The following WDR55 variants were observed in gnomAD, a reference collection of about 807,000 sequenced individuals.
WDR55 encodes the protein WD repeat domain 55, also known as WD repeat-containing protein 55.
In WDR55, 31 loss-of-function variants were observed where a neutral mutation model predicts 34.0. The observed-to-expected ratio is 0.91, with a 90% confidence interval of 0.69 to 1.23. The LOEUF (loss-of-function observed/expected upper bound fraction) is 1.23, where lower values mean the gene tolerates loss of function less well. Among genes scored for constraint, WDR55 ranks in the 50% most tolerant of loss-of-function variants. The pLI is 0.00. For synonymous variants in WDR55, 164 were observed against 185.9 expected (o/e 0.88, Z 0.96); for missense variants, 440 against 494.6 (o/e 0.89, Z 1.05).
In WDR55 at chr5:140,668,819, C is replaced by T. The variant is rs79816821; in HGVS notation, c.560+28C>T. The T allele has an allele frequency of 1.5e-3, 2,365 of 1,613,270 alleles. 24 individuals carry two copies. The African/African-American group carries it at 0.027, about 18-fold the overall frequency. On this transcript the variant is annotated intron_variant, in intron 4 of 6. Coordinates refer to ENST00000358337, the MANE Select transcript of WDR55 (RefSeq NM_017706.5). Reference sequence around the variant, plus strand: ...ACAACTTCAAAGCTGCCTTGCCTCCCCTCCCCTCCCTGTGTGAAATGTCTT... The same window carrying T: ...ACAACTTCAAAGCTGCCTTGCCTCCTCTCCCCTCCCTGTGTGAAATGTCTT...
At chr5:140,666,409 C>G (rs58669846) in intron 1 of WDR55, among the ~76,000 whole-genome samples, 29,344 of 152,040 alleles carry the variant, frequency 0.19, 3,342 homozygotes, top group East Asian at 0.3. Context: ...AAAAAAATCT[C>G]GAAACCTCAG....
In WDR55 at chr5:140,669,613, G is replaced by A. The variant is rs1449628926; in HGVS notation, c.1111G>A (p.Ala371Thr). ...GAGGGAAGAGGGAGAAGACTCCATG[G>A]CTCAGGAAGAAAAGGAGGAGACTGG... is the stretch of plus-strand genomic sequence containing the variant. ...GLREEGEDSM[A>T]QEEKEETGDD... Residue 371 changes from alanine (A) to threonine (T), a missense_variant, in exon 7 of 7, where the codon GCT becomes ACT. Physicochemically the swap from Ala to Thr is moderately conservative, Grantham distance 58. Coordinates refer to ENST00000358337, the MANE Select transcript of WDR55 (RefSeq NM_017706.5). 5 of 1,614,080 alleles carry A rather than the reference G, an allele frequency of 3.1e-6. No individual in the cohort carries two copies. The highest frequency in any genetic ancestry group is 1.1e-5 in the South Asian group (1 of 91,058).
In WDR55 at chr5:140,670,273, T is replaced by A. The variant is rs763553773; in HGVS notation, c.*619T>A. Reference sequence around the variant, plus strand: ...TGGTCTTGGAACTCCTGGGCTCAAGTGATCCTCCTGCCTTGGCCTCCCAAA... The same window carrying A: ...TGGTCTTGGAACTCCTGGGCTCAAGAGATCCTCCTGCCTTGGCCTCCCAAA... On this transcript the variant is annotated 3_prime_UTR_variant, in exon 7 of 7. Transcript: ENST00000358337. The A allele has an allele frequency of 1.3e-5, 2 of 152,200 alleles. No individual in the cohort carries two copies. Among genetic ancestry groups the A allele is most frequent in the Non-Finnish European group, 2.9e-5 (2 of 68,228 alleles). 9.4% of individuals were successfully genotyped at this position (152,200 alleles called of 1,614,324 possible).
In WDR55 at chr5:140,669,587, T is replaced by C. The variant is rs1406962007; in HGVS notation, c.1085T>C (p.Leu362Pro). The C allele has an allele frequency of 6.2e-6, 10 of 1,613,950 alleles. No individual in the cohort carries two copies. The highest frequency in any genetic ancestry group is 8.5e-6 in the Non-Finnish European group (10 of 1,179,994). Residue 362 changes from leucine to proline, a missense_variant, in exon 7 of 7, where the codon CTG (leucine) becomes CCG (proline). Transcript: ENST00000358337. ...TWSTDDFFAG[L>P]REEGEDSMAQ... The stretch of plus-strand genomic sequence containing the variant: ...AGCACCGATGACTTCTTCGCAGGAC[T>C]GAGGGAAGAGGGAGAAGACTCCATG...
chr5:140,666,027 T>C (rs1314447922), intron 1 of WDR55, among the ~76,000 whole-genome samples: 1 of 151,872 alleles, frequency 6.6e-6, no homozygotes, highest in East Asian at 2.0e-4. Flanking sequence ...TGGTCTGCTT[T>C]TAGGATTTAG....
At position 140,669,067 on chromosome 5, in the gene WDR55, A is replaced by G. The variant is rs763293521; in HGVS notation, c.661-12A>G. On this transcript the variant is annotated splice_polypyrimidine_tract_variant and intron_variant, in intron 5 of 6. Coordinates refer to ENST00000358337, the MANE Select transcript of WDR55 (RefSeq NM_017706.5). ...AGGCAGCTTCCACATTGTTTTCTCT[A>G]TTTCCCTGCAGTGGGGGAAGAAGGT... 43 of 1,613,806 alleles carry G rather than the reference A, an allele frequency of 2.7e-5. No homozygotes were observed. The highest frequency in any genetic ancestry group is 3.4e-5 in the Non-Finnish European group (40 of 1,179,980).
chr5:140,665,653 G>A (rs1017045714), intron 1 of WDR55, among the ~76,000 whole-genome samples: 1 of 151,954 alleles, frequency 6.6e-6, no homozygotes, highest in Non-Finnish European at 1.5e-5. Flanking sequence ...CACCGTGCCC[G>A]GACTCCTACC....
intron 1 of WDR55, 95 bp from the exon 2 acceptor site, chr5:140,668,139 G>C: frequency 7.2e-7 from 1 of 1,392,914 alleles, no homozygotes. Context: ...GGAACTCTTA[G>C]GTAGGTGGGA....
intron 4 of WDR55, 24 bp from the exon 5 acceptor site, chr5:140,668,863 TCTAA>T: frequency 6.2e-7 from 1 of 1,614,178 alleles, no homozygotes; most frequent in Admixed American, 1.7e-5. Context: ...AGACCTTGCG[TCTAA>T]GCCTACTGCT....
At position 140,672,266 on chromosome 5, in the gene WDR55, T is replaced by G; in HGVS notation, c.*2612T>G. On this transcript the variant is annotated 3_prime_UTR_variant, in exon 7 of 7. Coordinates refer to ENST00000358337, the MANE Select transcript of WDR55 (RefSeq NM_017706.5). ...GGTAATGCTCGGGAAGTGTCACAAA[T>G]TTAGGTAAGCGGTGGTGGTAGCACC... 2 of 680,572 alleles carry G rather than the reference T, an allele frequency of 2.9e-6. No homozygotes were observed. Among genetic ancestry groups the G allele is most frequent in the African/African-American group, 1.8e-5 (1 of 55,184 alleles). The allele number at this position is 680,572 out of a possible 1,614,324, so 42.2% of individuals were successfully genotyped here.
In WDR55 at chr5:140,671,852, C is replaced by T; in HGVS notation, c.*2198C>T. 2.3e-6 allele frequency: 3 copies of T among 1,299,388 alleles called. No homozygotes were observed. The highest frequency in any genetic ancestry group is 2.6e-5 in the South Asian group (2 of 78,402). The allele number at this position is 1,299,388 out of a possible 1,614,324, so 80.5% of individuals were successfully genotyped here. ...ACACAGTCCTGTTATTTGTAGCCTT[C>T]CCATTTCCTGGTAGTGTGACCATGG... On this transcript the variant is annotated 3_prime_UTR_variant, in exon 7 of 7. Coordinates refer to ENST00000358337, the MANE Select transcript of WDR55 (RefSeq NM_017706.5).
chr5:140,668,486 G>A lies in WDR55; in HGVS notation c.364G>A (p.Val122Ile). 6.2e-7 allele frequency: 1 copy of A among 1,614,196 alleles called. No individual in the cohort carries two copies. Among genetic ancestry groups the A allele is most frequent in the Non-Finnish European group, 8.5e-7 (1 of 1,180,036 alleles). The change falls in exon 3 of 7, where the codon GTT becomes ATT. Residue 122 changes from valine to isoleucine, a missense_variant. Coordinates refer to ENST00000358337, the MANE Select transcript of WDR55 (RefSeq NM_017706.5). ...DVEQGQLERR[V>I]SKAHGAPINS... ...GGAGCAGGGCCAACTGGAAAGACGT[G>A]TTTCCAAGGCTCATGGGTAAGGAGA...
Position 140,669,903 on chromosome 5 carries a change from T to C in WDR55, c.*249T>C, listed in dbSNP as rs1190489489. 1 of 377,564 alleles carries C rather than the reference T, an allele frequency of 2.6e-6. No homozygotes were observed. The highest frequency in any genetic ancestry group is 4.3e-5 in the Admixed American group (1 of 23,012). The allele number at this position is 377,564 out of a possible 1,614,324, so 23.4% of individuals were successfully genotyped here. A position where few individuals can be genotyped will look rare whatever the true frequency, so the allele number is the denominator to read the frequency against. ...ACTACCACACCAGGCCAATTTTTGT[T>C]TTTTTTTTTTGGTAGAAACGGGTCT... On this transcript the variant is annotated 3_prime_UTR_variant, in exon 7 of 7. Coordinates refer to ENST00000358337, the MANE Select transcript of WDR55 (RefSeq NM_017706.5).
chr5:140,671,691 G>C lies in WDR55; in HGVS notation c.*2037G>C. 5 of 1,585,720 alleles carry C rather than the reference G, an allele frequency of 3.2e-6. No individual in the cohort carries two copies. The highest frequency in any genetic ancestry group is 4.3e-6 in the Non-Finnish European group (5 of 1,165,848). ...CCCACAAGCTGCTGGCGAAGTCGCT[G>C]CTTCAGGTCTGGCTTGAGCCACTCC... On this transcript the variant is annotated 3_prime_UTR_variant, in exon 7 of 7. Transcript: ENST00000358337.
In WDR55 at chr5:140,669,183, T is replaced by G; in HGVS notation, c.765T>G (p.Ser255=). ...TSDRFALRAE[S]IDCMVPVTES... ...ACCGCTTTGCCCTGAGAGCTGAATC[T>G]ATCGACTGCATGGTTCCAGTCACCG... Residue 255 remains serine, a synonymous_variant, in exon 6 of 7, where the codon TCT becomes TCG. Coordinates refer to ENST00000358337, the MANE Select transcript of WDR55 (RefSeq NM_017706.5). The G allele has an allele frequency of 6.2e-7, 1 of 1,614,132 alleles. No individual in the cohort carries two copies. Among genetic ancestry groups the G allele is most frequent in the Non-Finnish European group, 8.5e-7 (1 of 1,180,026 alleles).
In WDR55 at chr5:140,672,299, G is replaced by T; in HGVS notation, c.*2645G>T. The T allele has an allele frequency of 1.1e-6, 1 of 890,270 alleles. No individual in the cohort carries two copies. Among genetic ancestry groups the T allele is most frequent in the Non-Finnish European group, 1.7e-6 (1 of 587,650 alleles). The allele number at this position is 890,270 out of a possible 1,614,324, so 55.1% of individuals were successfully genotyped here. On this transcript the variant is annotated 3_prime_UTR_variant, in exon 7 of 7. Transcript: ENST00000358337. ...AGCGGTGGTGGTAGCACCATTGGAA[G>T]TTTTAAAAATCTGAGATCAAATAGT...
Position 140,669,799 on chromosome 5 carries a change from CTCACTGCAGCCTCAATG to C in WDR55, c.*148_*164del. 1.3e-6 allele frequency: 1 copy of C among 789,844 alleles called. No homozygotes were observed. Among genetic ancestry groups the C allele is most frequent in the Non-Finnish European group, 2.0e-6 (1 of 500,606 alleles). 48.9% of individuals were successfully genotyped at this position (789,844 alleles called of 1,614,324 possible). A position where few individuals can be genotyped will look rare whatever the true frequency, so the allele number is the denominator to read the frequency against. On this transcript the variant is annotated 3_prime_UTR_variant, in exon 7 of 7. Coordinates refer to ENST00000358337, the MANE Select transcript of WDR55 (RefSeq NM_017706.5). ...CTGGAGTGCGCTGGCTTGATCTTGG[CTCACTGCAGCCTCAATG>C]TCCCCAGGCTCAGATTGTCCTTCCA...
intron 1 of WDR55, among the ~76,000 whole-genome samples, chr5:140,665,830 GTCTCTACTAAAAATACAAAA>G (rs1428721079): frequency 6.6e-6 from 1 of 151,850 alleles, no homozygotes; most frequent in Admixed American, 6.6e-5. Context: ...GTGAAACCCC[GTCTCTACTAAAAATACAAAA>G]ATTAGCCCGG....
At chr5:140,666,567 T>C (rs1280819005) in intron 1 of WDR55, 3 of 981,718 alleles carry the variant, frequency 3.1e-6, no homozygotes, top group African/African-American at 1.7e-5. Flanking sequence ...CCAGGTGCCA[T>C]GGTACCTTTC....
Sources: gnomAD v4.1 joint callset for allele counts (sites outside exome capture counted in the v4.1 genomes callset) on GRCh38, gnomAD v4.1.1 for gene constraint, MANE v1.5 for transcripts, NCBI Gene and HGNC (gene_info 2026-07-23, HGNC 2026-07-21) for gene names.